B3GAT2: variants seen among roughly 807,000 people sequenced by gnomAD.
B3GAT2 encodes the protein galactosylgalactosylxylosylprotein 3-beta-glucuronosyltransferase 2.
Under a neutral mutation model 27.8 loss-of-function variants are expected in B3GAT2, and 26 were observed. That is an observed-to-expected ratio of 0.93 (90% CI 0.68 to 1.30). The LOEUF (loss-of-function observed/expected upper bound fraction) is 1.30, where lower values mean the gene tolerates loss of function less well. Ranked by LOEUF, B3GAT2 falls within the 50% of genes most tolerant of loss-of-function variation. The pLI is 0.00. For synonymous variants in B3GAT2, 218 were observed against 195.1 expected (o/e 1.12, Z -0.98); for missense variants, 458 against 459.0 (o/e 1.00, Z 0.02).
intron 2 of B3GAT2, among the ~76,000 whole-genome samples, chr6:70,869,506 G>A (rs1255402298): frequency 6.6e-6 from 1 of 152,134 alleles, no homozygotes; most frequent in East Asian, 1.9e-4. Context: ...TGCCATTTTA[G>A]CAATATTAAG....
intron 2 of B3GAT2, among the ~76,000 whole-genome samples, chr6:70,868,830 C>T (rs1219112541): frequency 1.3e-5 from 2 of 152,050 alleles, no homozygotes; most frequent in East Asian, 3.9e-4. Context: ...ATGTGTGGGA[C>T]CTCCTCTAAT....
chr6:70,865,484 G>T (rs1029208142), intron 2 of B3GAT2, among the ~76,000 whole-genome samples: 2 of 152,260 alleles, frequency 1.3e-5, no homozygotes, highest in East Asian at 1.9e-4. Context: ...ATTGTATTAG[G>T]TAAGTAATCT....
chr6:70,895,051 T>C (rs937248824), intron 1 of B3GAT2, among the ~76,000 whole-genome samples: 1 of 152,150 alleles, frequency 6.6e-6, no homozygotes, highest in Non-Finnish European at 1.5e-5. Context: ...GCTGAACAGC[T>C]CAAAAGGCAT....
intron 2 of B3GAT2, among the ~76,000 whole-genome samples, chr6:70,865,171 G>A (rs1250850907): frequency 6.6e-6 from 1 of 152,238 alleles, no homozygotes; most frequent in Non-Finnish European, 1.5e-5. Flanking sequence ...TTGTTGCCCA[G>A]GCTGGAGTGC....
chr6:70,896,529 C>G (rs2150032680), intron 1 of B3GAT2, among the ~76,000 whole-genome samples: 1 of 152,264 alleles, frequency 6.6e-6, no homozygotes, highest in African/African-American at 2.4e-5. Flanking sequence ...TGCTTTTAAT[C>G]CATTTCTCCA....
At position 70,885,873 on chromosome 6, in the gene B3GAT2, C is replaced by T. The variant is rs1468973538; in HGVS notation, c.736+8255G>A. Among the ~76,000 whole-genome samples, 3 of 152,166 alleles carry T rather than the reference C, an allele frequency of 2.0e-5. No individual in the cohort carries two copies. The South Asian group carries it at 6.2e-4, about 32-fold the overall frequency. On this transcript the variant is annotated intron_variant, in intron 2 of 3. Coordinates refer to ENST00000230053, the MANE Select transcript of B3GAT2 (RefSeq NM_080742.3). Reference sequence around the variant, plus strand: ...TTCAGGCTGCACAGCCTGTATGTGTCAGAGCAGGACCCAAGGATGAGTGAT... The same window carrying T: ...TTCAGGCTGCACAGCCTGTATGTGTTAGAGCAGGACCCAAGGATGAGTGAT...
At chr6:70,878,356 T>C (rs540801846) in intron 2 of B3GAT2, among the ~76,000 whole-genome samples, 2 of 152,358 alleles carry the variant, frequency 1.3e-5, no homozygotes, top group Admixed American at 6.5e-5. Context: ...CAATGGCTGA[T>C]GAATGCTGTA....
rs1216660871 is a variant in B3GAT2 at position 70,857,658 on chromosome 6, G to A, written c.*4005C>T. On this transcript the variant is annotated 3_prime_UTR_variant, in exon 4 of 4. Coordinates refer to ENST00000230053, the MANE Select transcript of B3GAT2 (RefSeq NM_080742.3). Reference sequence around the variant, plus strand: ...CATGCTACATAGTTTGGTCTTCACAGTGGAAGATATTTTGTGTGGCTGTTG... The same window carrying A: ...CATGCTACATAGTTTGGTCTTCACAATGGAAGATATTTTGTGTGGCTGTTG... 4.3e-6 allele frequency: 2 copies of A among 468,704 alleles called. No homozygotes were observed. The highest frequency in any genetic ancestry group is 3.6e-5 in the Admixed American group (1 of 27,778). The allele number at this position is 468,704 out of a possible 1,614,324, so 29.0% of individuals were successfully genotyped here.
At chr6:70,890,741 C>T (rs1253782534) in intron 2 of B3GAT2, among the ~76,000 whole-genome samples, 1 of 152,160 alleles carries the variant, frequency 6.6e-6, no homozygotes, top group Non-Finnish European at 1.5e-5. Flanking sequence ...GTGGGGTCTG[C>T]ACCAACTCCA....
In B3GAT2 at chr6:70,860,250, A is replaced by C. The variant is rs772797443; in HGVS notation, c.*1413T>G. The stretch of plus-strand genomic sequence containing the variant: ...GTATCAGTAGTGCAACCCCTACTGC[A>C]GGTTTTGGCCAGCCCTCCAGCACAA... On this transcript the variant is annotated 3_prime_UTR_variant, in exon 4 of 4. Transcript: ENST00000230053. The C allele has an allele frequency of 1.9e-5, 31 of 1,613,550 alleles. No homozygotes were observed. The highest frequency in any genetic ancestry group is 2.5e-5 in the Non-Finnish European group (30 of 1,179,844).
rs914688411 is a variant in B3GAT2 at position 70,861,971 on chromosome 6, A to G, written c.744T>C (p.Ala248=). 6.3e-7 allele frequency: 1 copy of G among 1,585,858 alleles called. No homozygotes were observed. Residue 248 remains alanine, a synonymous_variant, in exon 3 of 4, where the codon GCT becomes GCC. Transcript: ENST00000230053. ...RPFAIDMAGF[A]VSLQVILSNP... Reference sequence around the variant, plus strand: ...TGGACAAAATGACTTGAAGACTTACAGCAAATCCTTTGTGAAAAATAAAAA... The same window carrying G: ...TGGACAAAATGACTTGAAGACTTACGGCAAATCCTTTGTGAAAAATAAAAA...
At chr6:70,875,537 C>T (rs1298973365) in intron 2 of B3GAT2, among the ~76,000 whole-genome samples, 1 of 152,156 alleles carries the variant, frequency 6.6e-6, no homozygotes, top group African/African-American at 2.4e-5. Flanking sequence ...TGTTCTTTCA[C>T]AGCCATGATA....
chr6:70,902,186 C>T (rs582908), intron 1 of B3GAT2, among the ~76,000 whole-genome samples: 115,661 of 152,028 alleles, frequency 0.76, 44,887 homozygotes, highest in African/African-American at 0.91. Flanking sequence ...AGGATAAATA[C>T]ATAGATAAAT....
chr6:70,917,251 T>C (rs903132046), intron 1 of B3GAT2, among the ~76,000 whole-genome samples: 2 of 152,228 alleles, frequency 1.3e-5, no homozygotes, highest in Non-Finnish European at 2.9e-5. Context: ...GATATCCCCT[T>C]TATCATTTTT....
intron 1 of B3GAT2, among the ~76,000 whole-genome samples, chr6:70,910,046 T>C: frequency 1.1e-5 from 1 of 92,916 alleles, no homozygotes. Flanking sequence ...GCTAATTTTT[T>C]GTATTTTTAG....
intron 1 of B3GAT2, among the ~76,000 whole-genome samples, chr6:70,944,285 G>A (rs539873216): frequency 7.9e-5 from 12 of 152,270 alleles, no homozygotes; most frequent in Admixed American, 5.9e-4. Flanking sequence ...TGCCTCACTC[G>A]GGAAGCGCAA....
chr6:70,923,148 T>C (rs1298488418), intron 1 of B3GAT2, among the ~76,000 whole-genome samples: 1 of 152,202 alleles, frequency 6.6e-6, no homozygotes, highest in African/African-American at 2.4e-5. Context: ...GAGGATGTGA[T>C]TCTCCAAACT....
At chr6:70,874,080 CTTTCT>C (rs1771977740) in intron 2 of B3GAT2, among the ~76,000 whole-genome samples, 1 of 152,086 alleles carries the variant, frequency 6.6e-6, no homozygotes. Context: ...CTATCAACTG[CTTTCT>C]TTTTTGTGTA....
In B3GAT2 at chr6:70,858,427, G is replaced by A. The variant is rs13174; in HGVS notation, c.*3236C>T. The A allele has an allele frequency of 4.1e-6, 2 of 481,970 alleles. No homozygotes were observed. Among genetic ancestry groups the A allele is most frequent in the South Asian group, 3.9e-5 (1 of 25,392 alleles). The allele number at this position is 481,970 out of a possible 1,614,324, so 29.9% of individuals were successfully genotyped here. On this transcript the variant is annotated 3_prime_UTR_variant, in exon 4 of 4. Transcript: ENST00000230053. ...GATAGACAAATGATGTGTTATTATC[G>A]CTATTTTAGAGTATTCTGTAAAAAA...
Sources: gnomAD v4.1 joint callset for allele counts (sites outside exome capture counted in the v4.1 genomes callset) on GRCh38, gnomAD v4.1.1 for gene constraint, MANE v1.5 for transcripts, NCBI Gene and HGNC (gene_info 2026-07-23, HGNC 2026-07-21) for gene names.